TMEM117: variants seen among roughly 807,000 people sequenced by gnomAD.
TMEM117 encodes transmembrane protein 117.
Under a neutral mutation model 52.4 loss-of-function variants are expected in TMEM117, and 27 were observed. That is an observed-to-expected ratio of 0.51 (90% confidence interval 0.38 to 0.71). TMEM117 has a LOEUF of 0.71. Among genes scored for constraint, TMEM117 ranks in the 30% least tolerant of loss-of-function variants. TMEM117 has a pLI of 0.00. For synonymous variants in TMEM117, 215 were observed against 206.3 expected (o/e 1.04, Z -0.36); for missense variants, 556 against 630.5 (o/e 0.88, Z 1.26).
the TMEM117 span, chr12:43,797,514 TATA>T: frequency 1.4e-6 from 2 of 1,424,064 alleles, no homozygotes; most frequent in African/African-American, 1.5e-5. Flanking sequence ...AGTTAAAACA[TATA>T]ATAAAAAGAC....
At chr12:44,224,182 A>G (rs908320361) in intron 5 of TMEM117, among the ~76,000 whole-genome samples, 1 of 152,042 alleles carries the variant, frequency 6.6e-6, no homozygotes, top group Non-Finnish European at 1.5e-5. Context: ...ATATGCACAC[A>G]CCCAAGCATG....
At chr12:43,874,084 C>T (rs1459285789) in intron 2 of TMEM117, among the ~76,000 whole-genome samples, 1 of 151,890 alleles carries the variant, frequency 6.6e-6, no homozygotes, top group African/African-American at 2.4e-5. Context: ...ATTTTCCTAT[C>T]TTAGTTTTTC....
At chr12:43,869,127 T>C (rs1943660407) in intron 2 of TMEM117, among the ~76,000 whole-genome samples, 1 of 151,998 alleles carries the variant, frequency 6.6e-6, no homozygotes, top group South Asian at 2.1e-4. Context: ...TAGTCATAAC[T>C]TAACAAAACT....
chr12:43,807,874 C>T, the TMEM117 span, among the ~76,000 whole-genome samples: 1 of 152,128 alleles, frequency 6.6e-6, no homozygotes, highest in Admixed American at 6.6e-5. Flanking sequence ...TCTATTGTGT[C>T]TCCATTTAGT....
chr12:44,286,705 C>T (rs919921912), intron 5 of TMEM117, among the ~76,000 whole-genome samples: 1 of 152,152 alleles, frequency 6.6e-6, no homozygotes, highest in Non-Finnish European at 1.5e-5. Flanking sequence ...TGAATTAAAT[C>T]TTGTTTTGGG....
At chr12:44,123,319 T>A (rs1012556081) in intron 3 of TMEM117, among the ~76,000 whole-genome samples, 1 of 152,194 alleles carries the variant, frequency 6.6e-6, no homozygotes, top group Non-Finnish European at 1.5e-5. Flanking sequence ...ACAGATAGAT[T>A]GCAAAAATTT....
intron 3 of TMEM117, among the ~76,000 whole-genome samples, chr12:44,120,089 A>T (rs1353252439): frequency 6.6e-6 from 1 of 152,150 alleles, no homozygotes; most frequent in Non-Finnish European, 1.5e-5. Flanking sequence ...TGGAGGTAGC[A>T]CCTGGGCAAT....
chr12:43,860,209 G>T (rs1173969270), intron 2 of TMEM117, among the ~76,000 whole-genome samples: 1 of 151,942 alleles, frequency 6.6e-6, no homozygotes, highest in Non-Finnish European at 1.5e-5. Context: ...AGTTTGTGAA[G>T]AATTTCTTTT....
intron 5 of TMEM117, among the ~76,000 whole-genome samples, chr12:44,272,982 CAAT>C (rs1950465574): frequency 6.6e-6 from 1 of 152,116 alleles, no homozygotes; most frequent in African/African-American, 2.4e-5. Flanking sequence ...AAATGTCCAA[CAAT>C]GATAGATTGG....
In TMEM117 at chr12:44,388,463, A is replaced by T; in HGVS notation, c.1336A>T (p.Met446Leu). The change falls in exon 8 of 8, where the codon ATG becomes TTG. Residue 446 changes from methionine (M) to leucine (L), a missense_variant. This residue lies in a region of TMEM117 where 206 missense variants were observed against 211.1 expected (regional missense o/e 0.98). Coordinates refer to ENST00000266534, the MANE Select transcript of TMEM117 (RefSeq NM_032256.3). ...RKSPSEHSKD[M>L]GITRENTQAS... ...ATCTCCATCAGAACATAGCAAAGAC[A>T]TGGGAATCACTCGAGAAAACACCCA... is the stretch of plus-strand genomic sequence containing the variant. The T allele has an allele frequency of 6.2e-7, 1 of 1,613,434 alleles. No homozygotes were observed. Among genetic ancestry groups the T allele is most frequent in the East Asian group, 2.2e-5 (1 of 44,864 alleles).
At chr12:44,325,624 A>ACTC (rs1951184769) in intron 6 of TMEM117, among the ~76,000 whole-genome samples, 2 of 152,136 alleles carry the variant, frequency 1.3e-5, no homozygotes, top group South Asian at 4.1e-4. Context: ...AGCTCCTTGC[A>ACTC]CATTAAAGAA....
intron 3 of TMEM117, among the ~76,000 whole-genome samples, chr12:44,028,217 G>C (rs947115461): frequency 2.0e-5 from 3 of 152,200 alleles, no homozygotes; most frequent in Non-Finnish European, 2.9e-5. Flanking sequence ...GTTTGACTGA[G>C]TGTAGATTTT....
chr12:43,901,016 C>T (rs748694421), intron 2 of TMEM117, among the ~76,000 whole-genome samples: 22 of 152,182 alleles, frequency 1.4e-4, no homozygotes, highest in Non-Finnish European at 1.2e-4. Context: ...ATTGAATCAA[C>T]CTTCATTGCT....
At chr12:44,013,903 C>T (rs534747007) in intron 3 of TMEM117, among the ~76,000 whole-genome samples, 3 of 152,206 alleles carry the variant, frequency 2.0e-5, no homozygotes, top group Non-Finnish European at 4.4e-5. Flanking sequence ...TCAGATCACT[C>T]AGCTGTTTGC....
At chr12:43,960,526 T>C (rs1393140010) in intron 3 of TMEM117, among the ~76,000 whole-genome samples, 1 of 152,220 alleles carries the variant, frequency 6.6e-6, no homozygotes, top group Admixed American at 6.5e-5. Flanking sequence ...GGTGAAGTTT[T>C]AAAACATTAG....
chr12:44,271,784 A>G (rs898511960), intron 5 of TMEM117, among the ~76,000 whole-genome samples: 1 of 152,230 alleles, frequency 6.6e-6, no homozygotes, highest in East Asian at 1.9e-4. Flanking sequence ...GCAAATAATC[A>G]ATAGAGAATA....
intron 3 of TMEM117, 23 bp from the exon 4 acceptor site, chr12:44,143,502 G>C (rs1233880983): frequency 2.5e-6 from 4 of 1,580,084 alleles, no homozygotes; most frequent in Non-Finnish European, 1.7e-6. Flanking sequence ...TCCGGACAAT[G>C]TCTTGTGTGT....
chr12:43,996,372 A>G (rs1946029909), intron 3 of TMEM117, among the ~76,000 whole-genome samples: 1 of 152,152 alleles, frequency 6.6e-6, no homozygotes, highest in Admixed American at 6.5e-5. Flanking sequence ...GGCTGGGGCC[A>G]GTGGCTCACA....
intron 5 of TMEM117, among the ~76,000 whole-genome samples, chr12:44,283,199 G>T (rs1293416112): frequency 1.3e-5 from 2 of 152,210 alleles, no homozygotes; most frequent in African/African-American, 4.8e-5. Flanking sequence ...GGAAATGTGG[G>T]GTCAGAGCCT....
Sources: gnomAD v4.1 joint callset for allele counts (sites outside exome capture counted in the v4.1 genomes callset) on GRCh38, gnomAD v4.1.1 for gene constraint, gnomAD v4.1.1 regional missense constraint, MANE v1.5 for transcripts, NCBI Gene and HGNC (gene_info 2026-07-23, HGNC 2026-07-21) for gene names.